NLGN1: variants seen among roughly 807,000 people sequenced by gnomAD.
NLGN1 encodes the protein neuroligin-1.
Under a neutral mutation model 65.5 loss-of-function variants are expected in NLGN1, and 12 were observed. The observed-to-expected ratio is 0.18, with a 90% confidence interval of 0.12 to 0.30. NLGN1 has a LOEUF of 0.30. Ranked by LOEUF, NLGN1 falls within the 10% of genes least tolerant of loss-of-function variation. The pLI is 1.00. For missense variants in NLGN1, 750 were observed against 1,007.1 expected (o/e 0.74, Z 3.46); for synonymous variants, 350 against 359.5 (o/e 0.97, Z 0.30).
At chr3:173,730,860 T>C (rs563733341) in intron 3 of NLGN1, among the ~76,000 whole-genome samples, 1 of 152,238 alleles carries the variant, frequency 6.6e-6, no homozygotes, top group East Asian at 1.9e-4. Context: ...CTGTAGAAGA[T>C]AATAAAATCT....
intron 3 of NLGN1, among the ~76,000 whole-genome samples, chr3:173,721,970 G>A (rs976551978): frequency 6.2e-4 from 94 of 150,686 alleles, no homozygotes; most frequent in Middle Eastern, 3.5e-3. Context: ...CCAGTGGAAC[G>A]GAGTTACGTA....
At position 173,716,952 on chromosome 3, in the gene NLGN1, A is replaced by G. The variant is rs192219973; in HGVS notation, c.494-90728A>G. On this transcript the variant is annotated intron_variant, in intron 3 of 6. Coordinates refer to ENST00000457714, the Ensembl canonical transcript of NLGN1. ...TCCTGACACATTAATCAATGAAACTATAGCTTTGATCCTAGCACCTGAATT... is the reference window on the plus strand; with the variant it reads ...TCCTGACACATTAATCAATGAAACTGTAGCTTTGATCCTAGCACCTGAATT... Among the ~76,000 whole-genome samples the G allele has an allele frequency of 9.9e-4, 151 of 152,270 alleles. 1 individual carries two copies. Among genetic ancestry groups the G allele is most frequent in the African/African-American group, 3.5e-3 (144 of 41,562 alleles).
chr3:173,717,958 A>T (rs1338246897), intron 3 of NLGN1, among the ~76,000 whole-genome samples: 1 of 152,132 alleles, frequency 6.6e-6, no homozygotes, highest in Non-Finnish European at 1.5e-5. Flanking sequence ...ACAAATTAGA[A>T]CATTTTCAAA....
chr3:173,494,353 C>CT (rs1729673511), intron 2 of NLGN1, among the ~76,000 whole-genome samples: 1 of 148,908 alleles, frequency 6.7e-6, no homozygotes, highest in East Asian at 2.0e-4. Flanking sequence ...GTTTTTTTTT[C>CT]TTTTTTTCAG....
At chr3:174,142,120 C>T (rs1262753481) in intron 4 of NLGN1, among the ~76,000 whole-genome samples, 1 of 152,062 alleles carries the variant, frequency 6.6e-6, no homozygotes, top group Non-Finnish European at 1.5e-5. Context: ...ACCACATATA[C>T]CTGTACCTAA....
At chr3:174,146,935 T>C (rs962315503) in intron 4 of NLGN1, among the ~76,000 whole-genome samples, 1 of 152,142 alleles carries the variant, frequency 6.6e-6, no homozygotes, top group African/African-American at 2.4e-5. Flanking sequence ...CCATTCTTCT[T>C]AGTAGTGTTT....
intron 4 of NLGN1, among the ~76,000 whole-genome samples, chr3:174,198,037 CATTTG>C (rs1229455660): frequency 6.6e-6 from 1 of 151,902 alleles, no homozygotes; most frequent in East Asian, 1.9e-4. Context: ...TTGTGTTGTA[CATTTG>C]TCACTTAGTT....
chr3:173,852,116 G>A (rs1727044811), intron 4 of NLGN1, among the ~76,000 whole-genome samples: 1 of 151,718 alleles, frequency 6.6e-6, no homozygotes, highest in Non-Finnish European at 1.5e-5. Flanking sequence ...CAGCACTTTG[G>A]GAGGCCGAGG....
intron 1 of NLGN1, among the ~76,000 whole-genome samples, chr3:173,403,453 C>T (rs1362712846): frequency 1.3e-5 from 2 of 152,086 alleles, no homozygotes; most frequent in Non-Finnish European, 2.9e-5. Context: ...CAGTTACTCT[C>T]ATAAAGAAGG....
intron 3 of NLGN1, among the ~76,000 whole-genome samples, chr3:173,795,056 A>G (rs541652470): frequency 6.6e-6 from 1 of 152,178 alleles, no homozygotes; most frequent in African/African-American, 2.4e-5. Flanking sequence ...TCTTCTTCCA[A>G]CACAAAACTA....
intron 4 of NLGN1, among the ~76,000 whole-genome samples, chr3:173,883,261 A>C (rs1479919348): frequency 6.6e-6 from 1 of 152,170 alleles, no homozygotes; most frequent in East Asian, 1.9e-4. Context: ...TGCTGTGTCT[A>C]AGGGAATAGG....
intron 4 of NLGN1, among the ~76,000 whole-genome samples, chr3:173,913,371 A>T (rs760161883): frequency 2.0e-5 from 3 of 152,206 alleles, no homozygotes; most frequent in Non-Finnish European, 2.9e-5. Flanking sequence ...AATAGCAGCT[A>T]TAAGTCTTTT....
chr3:174,014,591 ATT>A (rs1726181944), intron 4 of NLGN1, among the ~76,000 whole-genome samples: 1 of 152,156 alleles, frequency 6.6e-6, no homozygotes, highest in Admixed American at 6.5e-5. Context: ...CATGTATCTC[ATT>A]CATTAAATTG....
chr3:173,959,159 T>G (rs1712912937), intron 4 of NLGN1, among the ~76,000 whole-genome samples: 2 of 152,152 alleles, frequency 1.3e-5, no homozygotes, highest in African/African-American at 4.8e-5. Context: ...ACTTCCAGCC[T>G]CCAAGAGCAC....
intron 3 of NLGN1, among the ~76,000 whole-genome samples, chr3:173,699,168 A>G (rs1578010928): frequency 6.6e-6 from 1 of 151,996 alleles, no homozygotes; most frequent in East Asian, 1.9e-4. Context: ...AGAAGTTTTA[A>G]AAAACAAAAA....
At chr3:173,861,097 T>C (rs991597069) in intron 4 of NLGN1, among the ~76,000 whole-genome samples, 5 of 152,342 alleles carry the variant, frequency 3.3e-5, no homozygotes, top group African/African-American at 2.4e-5. Flanking sequence ...GTTTTCACTT[T>C]GTCAAAAATT....
chr3:174,138,647 G>T (rs1417547690), intron 4 of NLGN1, among the ~76,000 whole-genome samples: 3 of 151,854 alleles, frequency 2.0e-5, no homozygotes, highest in African/African-American at 4.8e-5. Context: ...TGTTAGCCAG[G>T]ATGGTCTTGA....
intron 2 of NLGN1, among the ~76,000 whole-genome samples, chr3:173,499,048 C>T (rs1462974831): frequency 3.3e-5 from 5 of 150,388 alleles, no homozygotes; most frequent in Admixed American, 6.6e-5. Context: ...TGCAGAAGCT[C>T]TTTAGTTGAA....
At chr3:173,636,172 G>A (rs1756554932) in intron 3 of NLGN1, among the ~76,000 whole-genome samples, 1 of 151,926 alleles carries the variant, frequency 6.6e-6, no homozygotes. Flanking sequence ...GGCGAAAGAG[G>A]AAACATGCCA....
Sources: allele counts gnomAD v4.1 joint callset (sites outside exome capture counted in the v4.1 genomes callset), GRCh38; gene constraint gnomAD v4.1.1; transcripts MANE v1.5; gene names NCBI Gene and HGNC (gene_info 2026-07-23, HGNC 2026-07-21).